ADCY10: variants seen among roughly 807,000 people sequenced by gnomAD.
ADCY10 encodes adenylate cyclase 10.
ADCY10 carries 156 observed loss-of-function variants against 183.3 expected under a neutral mutation model. The ratio of observed to expected loss-of-function variants is 0.85; its 90% CI spans 0.75 to 0.97. The LOEUF (loss-of-function observed/expected upper bound fraction) is 0.97. ADCY10 is among the 50% of genes least tolerant of loss of function. ADCY10 has a pLI of 0.00. For missense variants in ADCY10, 1,745 were observed against 1,934.3 expected (o/e 0.90, Z 1.84); for synonymous variants, 645 against 670.0 (o/e 0.96, Z 0.58).
Position 167,905,288 on chromosome 1 carries a change from C to T in ADCY10, c.-58-90G>A, listed in dbSNP as rs1308417090. ...TCTCCATTTGTTTTGTTCTAACCTG[C>T]GGCCTGCTTATAGTGGTGAAAATGC... On this transcript the variant is annotated intron_variant, in intron 1 of 32. Coordinates refer to ENST00000367851, the MANE Select transcript of ADCY10 (RefSeq NM_018417.6). The T allele has an allele frequency of 3.1e-5, 31 of 1,006,520 alleles. 2 individuals are homozygous for T. Among genetic ancestry groups the T allele is most frequent in the South Asian group, 1.6e-4 (12 of 73,028 alleles). 62.3% of individuals were successfully genotyped at this position (1,006,520 alleles called of 1,614,324 possible).
At chr1:167,865,891 G>A (rs1404530319) in intron 14 of ADCY10, among the ~76,000 whole-genome samples, 1 of 152,176 alleles carries the variant, frequency 6.6e-6, no homozygotes, top group Non-Finnish European at 1.5e-5. Context: ...CTCTTTTCCA[G>A]GATTCTACAG....
intron 21 of ADCY10, among the ~76,000 whole-genome samples, chr1:167,840,458 G>A (rs960756982): frequency 2.6e-5 from 4 of 151,666 alleles, no homozygotes; most frequent in African/African-American, 9.7e-5. Context: ...CTGGATTCAA[G>A]CGATTCTCCT....
At chr1:167,880,074 G>T in intron 11 of ADCY10, 41 bp downstream of exon 11, 1 of 1,560,802 alleles carries the variant, frequency 6.4e-7, no homozygotes, top group Non-Finnish European at 8.8e-7. Flanking sequence ...AAGGTGCTGT[G>T]TTTGCAGAAA....
intron 6 of ADCY10, among the ~76,000 whole-genome samples, 179 bp from the exon 7 acceptor site, chr1:167,896,870 C>G (rs917882857): frequency 2.6e-5 from 4 of 152,244 alleles, no homozygotes; most frequent in African/African-American, 7.2e-5. Context: ...AAAAATCTTT[C>G]CAATTACAGT....
intron 8 of ADCY10, among the ~76,000 whole-genome samples, chr1:167,891,326 C>A (rs1197335387): frequency 2.0e-5 from 3 of 151,884 alleles, no homozygotes; most frequent in African/African-American, 7.3e-5. Context: ...ATTTAGTTCC[C>A]CTCTTCTCTC....
chr1:167,815,435 C>A (rs1419326952), intron 31 of ADCY10, among the ~76,000 whole-genome samples: 1 of 152,192 alleles, frequency 6.6e-6, no homozygotes, highest in Non-Finnish European at 1.5e-5. Flanking sequence ...AAACCCAGTT[C>A]TAGCCATTAT....
chr1:167,894,128 T>G (rs1668798495), intron 7 of ADCY10, among the ~76,000 whole-genome samples, 187 bp from the exon 8 acceptor site: 1 of 152,016 alleles, frequency 6.6e-6, no homozygotes, highest in Non-Finnish European at 1.5e-5. Flanking sequence ...CTCTTAGAGG[T>G]TAAAGGTTTC....
Position 167,846,116 on chromosome 1 carries a change from GC to G in ADCY10, c.2584del (p.Ala862GlnfsTer3), listed in dbSNP as rs1665007426. ...WNMKMMIKTL[A>X]TLVESNIFYC... ...AAAAATGTTAGATTCCACTAGGGTT[GC>G]CAGGGTCTTGATCATCATCTTCATA... On this transcript the variant is annotated frameshift_variant, in exon 20 of 33. Transcript: ENST00000367851. LOFTEE classifies it high-confidence loss of function. 6 of 1,614,050 alleles carry G rather than the reference GC, an allele frequency of 3.7e-6. No homozygotes were observed. Among genetic ancestry groups the G allele is most frequent in the Non-Finnish European group, 5.1e-6 (6 of 1,180,018 alleles).
intron 31 of ADCY10, among the ~76,000 whole-genome samples, chr1:167,812,288 C>A (rs895717415): frequency 1.3e-5 from 2 of 152,198 alleles, no homozygotes; most frequent in African/African-American, 4.8e-5. Context: ...CCTCCCCCAA[C>A]TTTATTTTTT....
intron 31 of ADCY10, among the ~76,000 whole-genome samples, chr1:167,811,402 C>T (rs1208059978): frequency 6.6e-6 from 1 of 152,094 alleles, no homozygotes; most frequent in Non-Finnish European, 1.5e-5. Flanking sequence ...TCCTGGCCAA[C>T]ATGGTGAAAC....
chr1:167,829,517 C>T lies in ADCY10; in HGVS notation c.3594-94G>A, dbSNP rs1467509928. The T allele has an allele frequency of 6.8e-6, 10 of 1,469,880 alleles. No homozygotes were observed. The Admixed American group carries it at 8.4e-5, about 12-fold the overall frequency. The allele number at this position is 1,469,880 out of a possible 1,614,324, so 91.1% of individuals were successfully genotyped here. A position where few individuals can be genotyped will look rare whatever the true frequency, so the allele number is the denominator to read the frequency against. On this transcript the variant is annotated intron_variant, in intron 25 of 32. Coordinates refer to ENST00000367851, the MANE Select transcript of ADCY10 (RefSeq NM_018417.6). ...GGTACATGGTGTCCTCACTATGGGC[C>T]TGGGAATCAAAACTGACTTGAATTT...
intron 26 of ADCY10, 131 bp downstream of exon 26, chr1:167,829,136 T>TCAAA (rs1385987175): frequency 1.8e-6 from 2 of 1,091,956 alleles, no homozygotes; most frequent in Non-Finnish European, 2.7e-6. Flanking sequence ...GCTGGCCTTG[T>TCAAA]CAAAACAAGC....
rs760745369 is a variant in ADCY10 at position 167,856,241 on chromosome 1, C to T, written c.2095G>A (p.Ala699Thr). The T allele has an allele frequency of 1.1e-5, 17 of 1,613,818 alleles. No homozygotes were observed. The highest frequency in any genetic ancestry group is 1.4e-5 in the Non-Finnish European group (17 of 1,179,788). Residue 699 changes from alanine to threonine, a missense_variant, in exon 17 of 33, where the codon GCA becomes ACA. Ala to Thr is a moderately conservative substitution (Grantham distance 58). Coordinates refer to ENST00000367851, the MANE Select transcript of ADCY10 (RefSeq NM_018417.6). The stretch of plus-strand genomic sequence containing the variant: ...TTGGAGATGTCGTTAGGCTGTACTG[C>T]ACCAATGACAATGTAGGTGGTGTTC... Reference protein sequence around the residue: ...NRNTTYIVIGAVQPNDISNKI... With the variant: ...NRNTTYIVIGTVQPNDISNKI...
intron 22 of ADCY10, chr1:167,836,937 A>G (rs951882344): frequency 5.4e-6 from 2 of 372,352 alleles, no homozygotes; most frequent in Admixed American, 4.2e-5. Flanking sequence ...AGGCAGGAGA[A>G]TCACTTGAAC....
intron 6 of ADCY10, among the ~76,000 whole-genome samples, chr1:167,898,469 G>A (rs181796606): frequency 1.4e-4 from 21 of 152,162 alleles, no homozygotes; most frequent in African/African-American, 3.9e-4. Flanking sequence ...GCGTGGTAGC[G>A]GGCACCTGTA....
intron 14 of ADCY10, 104 bp from the exon 15 acceptor site, chr1:167,861,167 T>A: frequency 1.0e-6 from 1 of 991,550 alleles, no homozygotes; most frequent in South Asian, 1.4e-5. Flanking sequence ...TCAGCTATAA[T>A]GATGGAGATT....
chr1:167,837,383 G>C, intron 21 of ADCY10, 65 bp from the exon 22 acceptor site: 1 of 1,379,128 alleles, frequency 7.3e-7, no homozygotes, highest in Non-Finnish European at 1.0e-6. Flanking sequence ...GATATCTGCT[G>C]TCTACCCAAG....
chr1:167,846,743 C>G (rs1171178540), intron 19 of ADCY10, among the ~76,000 whole-genome samples: 4 of 152,170 alleles, frequency 2.6e-5, no homozygotes, highest in Non-Finnish European at 5.9e-5. Context: ...CATACATTAT[C>G]ATCTCTGTGT....
chr1:167,820,263 C>G, intron 30 of ADCY10: 1 of 1,472,106 alleles, frequency 6.8e-7, no homozygotes. Context: ...GTCGCCACCA[C>G]AGGGCTGCTG....
Sources: allele counts gnomAD v4.1 joint callset (sites outside exome capture counted in the v4.1 genomes callset), GRCh38; gene constraint gnomAD v4.1.1; transcripts MANE v1.5; gene names NCBI Gene and HGNC (gene_info 2026-07-23, HGNC 2026-07-21).